RP1: variants seen among roughly 807,000 people sequenced by gnomAD.
RP1 encodes oxygen-regulated protein 1.
A neutral mutation model predicts 14.8 loss-of-function variants in RP1; 16 were observed. The ratio of observed to expected loss-of-function variants is 1.08; its 90% CI spans 0.73 to 1.65. The LOEUF (loss-of-function observed/expected upper bound fraction) is 1.65. Among genes scored for constraint, RP1 ranks in the 40% most tolerant of loss-of-function variants. The pLI, the probability that RP1 is intolerant of heterozygous loss-of-function variation, is 0.00. For synonymous variants in RP1, 876 were observed against 883.6 expected (o/e 0.99, Z 0.15); for missense variants, 2,631 against 2,535.0 (o/e 1.04, Z -0.81).
intron 17 of RP1, among the ~76,000 whole-genome samples, chr8:54,728,906 G>A (rs908756811): frequency 1.2e-4 from 18 of 152,220 alleles, no homozygotes; most frequent in African/African-American, 3.4e-4. Context: ...CAACATAGAC[G>A]TAGTTCTGTC....
intron 22 of RP1, among the ~76,000 whole-genome samples, chr8:54,762,471 T>C (rs1247952616): frequency 6.6e-6 from 1 of 152,212 alleles, no homozygotes; most frequent in Non-Finnish European, 1.5e-5. Flanking sequence ...CTGAAGGTAT[T>C]ATTTTTCTGT....
exon 7 of RP1, chr8:54,663,810 T>A: frequency 6.5e-7 from 1 of 1,532,366 alleles, no homozygotes; most frequent in Non-Finnish European, 8.7e-7. Context: ...TCCAGACAAC[T>A]ATTTAGATCG....
intron 14 of RP1, among the ~76,000 whole-genome samples, chr8:54,702,846 G>A (rs532743414): frequency 2.6e-5 from 4 of 152,334 alleles, no homozygotes; most frequent in Non-Finnish European, 2.9e-5. Flanking sequence ...AATGTTCACA[G>A]TATCTTCATC....
intron 24 of RP1, among the ~76,000 whole-genome samples, chr8:54,787,221 C>A (rs1391462): frequency 0.43 from 65,402 of 151,816 alleles, 14,597 homozygotes; most frequent in African/African-American, 0.54. Flanking sequence ...TAAACATCCT[C>A]AGGAAAACAA....
intron 4 of RP1, chr8:54,649,222 C>A: frequency 8.5e-7 from 1 of 1,171,436 alleles, no homozygotes; most frequent in Middle Eastern, 3.0e-4. Context: ...TGAACATAGT[C>A]TATCCCTTTA....
intron 24 of RP1, among the ~76,000 whole-genome samples, chr8:54,828,890 T>A (rs1485968235): frequency 1.7e-5 from 1 of 58,078 alleles, no homozygotes; most frequent in African/African-American, 5.6e-5. Flanking sequence ...TTCTTTTTTT[T>A]TTTTTTTTTT....
rs767223979 is a variant in RP1, at chr8:54,627,513, A to G, written c.3631A>G (p.Asn1211Asp). 8 of 1,614,052 alleles carry G rather than the reference A, an allele frequency of 5.0e-6. No homozygotes were observed. The South Asian group carries it at 5.5e-5, about 11-fold the overall frequency. ...QDMVPIDLSA[N>D]CSTVNIQSVP... ...CATGGTTCCAATAGATCTTTCTGCA[A>G]ATTGTTCCACGGTCAACATTCAGAG... Residue 1211 changes from asparagine to aspartate, a missense_variant, in exon 4 of 4, where the codon AAT (asparagine) becomes GAT (aspartate). Transcript: ENST00000220676.
intron 6 of RP1, among the ~76,000 whole-genome samples, chr8:54,656,796 G>C (rs748206990): frequency 1.5e-4 from 20 of 136,080 alleles, no homozygotes; most frequent in Non-Finnish European, 2.9e-4. Flanking sequence ...CTCTGCCTTG[G>C]GGGAGAACGG....
In RP1 at chr8:54,628,241, C is replaced by A. The variant is rs1191037027; in HGVS notation, c.4359C>A (p.Asn1453Lys). The change falls in exon 4 of 4, where the codon AAC becomes AAA. Residue 1453 changes from asparagine (N) to lysine (K), a missense_variant. By Grantham distance (94) the Asn-to-Lys change is moderately conservative. Coordinates refer to ENST00000220676, the MANE Select transcript of RP1 (RefSeq NM_006269.2). ...RTSEEPGSIT[N>K]SMTSSERNIS... ...CTGAAGAACCAGGCTCAATAACCAACAGCATGACATCAAGTGAAAGAAACA... is the reference window on the plus strand; with the variant it reads ...CTGAAGAACCAGGCTCAATAACCAAAAGCATGACATCAAGTGAAAGAAACA... The A allele has an allele frequency of 1.2e-6, 2 of 1,613,960 alleles. No individual in the cohort carries two copies. The highest frequency in any genetic ancestry group is 4.5e-5 in the East Asian group (2 of 44,862).
Position 54,627,536 on chromosome 8 carries a change from G to C in RP1, c.3654G>C (p.Gln1218His). The change falls in exon 4 of 4, where the codon CAG (glutamine) becomes CAC (histidine). Residue 1218 changes from glutamine to histidine, a missense_variant. Transcript: ENST00000220676. Reference sequence around the variant, plus strand: ...CAAATTGTTCCACGGTCAACATTCAGAGTGTTCCTAAGTGCAGTGAAAATG... The same window carrying C: ...CAAATTGTTCCACGGTCAACATTCACAGTGTTCCTAAGTGCAGTGAAAATG... ...LSANCSTVNI[Q>H]SVPKCSENER... The C allele has an allele frequency of 6.2e-7, 1 of 1,614,162 alleles. No individual in the cohort carries two copies. The highest frequency in any genetic ancestry group is 1.3e-5 in the African/African-American group (1 of 75,044).
At chr8:54,696,775 G>GA in intron 12 of RP1, 1 of 728,790 alleles carries the variant, frequency 1.4e-6, no homozygotes, top group South Asian at 1.4e-5. Flanking sequence ...TCACCCCCCA[G>GA]AACCTAAAAA....
intron 3 of RP1, among the ~76,000 whole-genome samples, chr8:54,622,703 A>G (rs1805915170): frequency 6.6e-6 from 1 of 152,168 alleles, no homozygotes; most frequent in Non-Finnish European, 1.5e-5. Flanking sequence ...TTTCAAATCT[A>G]CGCTATGTGC....
intron 25 of RP1, among the ~76,000 whole-genome samples, chr8:54,848,487 G>A (rs968520476): frequency 3.9e-5 from 6 of 152,144 alleles, no homozygotes; most frequent in African/African-American, 7.2e-5. Flanking sequence ...TAACACAGAT[G>A]CTATCTGGTT....
intron 17 of RP1, among the ~76,000 whole-genome samples, chr8:54,731,359 G>C (rs574771856): frequency 1.0e-3 from 155 of 152,176 alleles, no homozygotes; most frequent in African/African-American, 3.5e-3. Context: ...CAGGGTGACC[G>C]AGAAGGAGTC....
intron 24 of RP1, among the ~76,000 whole-genome samples, chr8:54,815,943 A>C (rs529838832): frequency 6.6e-6 from 1 of 152,280 alleles, no homozygotes; most frequent in East Asian, 1.9e-4. Context: ...TACACCATGA[A>C]TATGAACCTG....
chr8:54,799,932 C>T (rs1810664723), intron 24 of RP1, among the ~76,000 whole-genome samples: 1 of 151,876 alleles, frequency 6.6e-6, no homozygotes, highest in African/African-American at 2.4e-5. Flanking sequence ...CCATTTACAA[C>T]ATTCTTTATT....
chr8:54,701,529 C>T lies in RP1; in HGVS notation c.1865C>T (p.Pro622Leu), dbSNP rs145903767. The change falls in exon 14 of 23, where the codon CCT (proline) becomes CTT (leucine). Residue 622 changes from proline (P) to leucine (L), a missense_variant. Transcript: ENST00000636932. ...ACTGAGCTGCGGGTGCTTTATCAGC[C>T]TAACCGCTGTGCACTTCTTGAGTCG... is the stretch of plus-strand genomic sequence containing the variant. The T allele has an allele frequency of 9.1e-6, 14 of 1,535,468 alleles. No homozygotes were observed. The African/African-American group carries it at 1.5e-4, about 17-fold the overall frequency.
At chr8:54,782,454 G>C (rs1810211975) in intron 23 of RP1, among the ~76,000 whole-genome samples, 1 of 152,132 alleles carries the variant, frequency 6.6e-6, no homozygotes, top group Non-Finnish European at 1.5e-5. Flanking sequence ...GAATTACTGA[G>C]AACTTGGTGG....
intron 1 of RP1, among the ~76,000 whole-genome samples, chr8:54,586,364 T>A (rs1203733220): frequency 6.6e-6 from 1 of 152,186 alleles, no homozygotes; most frequent in Non-Finnish European, 1.5e-5. Context: ...GGAATTTTTG[T>A]CTCAGAGGAG....
Sources: allele counts gnomAD v4.1 joint callset (sites outside exome capture counted in the v4.1 genomes callset), GRCh38; gene constraint gnomAD v4.1.1; transcripts MANE v1.5; gene names NCBI Gene and HGNC (gene_info 2026-07-23, HGNC 2026-07-21).